MTA3: variants seen among roughly 807,000 people sequenced by gnomAD.
MTA3 encodes the protein metastasis associated 1 family member 3.
Under a neutral mutation model 83.5 loss-of-function variants are expected in MTA3, and 34 were observed. The ratio of observed to expected loss-of-function variants is 0.41; its 90% CI spans 0.31 to 0.54. The LOEUF (loss-of-function observed/expected upper bound fraction) is 0.54, where lower values mean the gene tolerates loss of function less well. Among genes scored for constraint, MTA3 ranks in the 20% least tolerant of loss-of-function variants. The pLI, the probability that MTA3 is intolerant of heterozygous loss-of-function variation, is 0.33. For synonymous variants in MTA3, 303 were observed against 252.7 expected (o/e 1.20, Z -1.89); for missense variants, 761 against 726.4 (o/e 1.05, Z -0.55).
At chr2:42,549,971 C>G (rs1365984753) in intron 2 of MTA3, among the ~76,000 whole-genome samples, 2 of 151,666 alleles carry the variant, frequency 1.3e-5, no homozygotes, top group East Asian at 3.8e-4. Flanking sequence ...GTTGCTGTAT[C>G]ACAGCACTTG....
At chr2:42,680,600 C>T (rs1691796031) in intron 8 of MTA3, among the ~76,000 whole-genome samples, 2 of 152,212 alleles carry the variant, frequency 1.3e-5, no homozygotes, top group African/African-American at 4.8e-5. Context: ...ATGTGCTAAT[C>T]CGCGACATAG....
At chr2:42,704,760 C>T (rs1665919142) in intron 12 of MTA3, among the ~76,000 whole-genome samples, 2 of 152,136 alleles carry the variant, frequency 1.3e-5, no homozygotes, top group South Asian at 4.1e-4. Flanking sequence ...ACCATGTTCC[C>T]TCAGTGCACC....
At chr2:42,711,379 AGTTACCT>A (rs1352345929) in intron 14 of MTA3, among the ~76,000 whole-genome samples, 11 of 152,182 alleles carry the variant, frequency 7.2e-5, no homozygotes, top group African/African-American at 2.7e-4. Flanking sequence ...ATCATAATTA[AGTTACCT>A]GTATTTTATT....
At chr2:42,639,884 T>C (rs74752364) in intron 4 of MTA3, among the ~76,000 whole-genome samples, 3,257 of 152,240 alleles carry the variant, frequency 0.021, 103 homozygotes, top group African/African-American at 0.075. Context: ...TCTTTTTTTT[T>C]CTTGAATAAG....
At chr2:42,640,983 T>C (rs1372055129) in intron 5 of MTA3, among the ~76,000 whole-genome samples, 2 of 152,172 alleles carry the variant, frequency 1.3e-5, no homozygotes, top group Non-Finnish European at 2.9e-5. Flanking sequence ...CTTGACCCAC[T>C]GCAACCTCCG....
intron 2 of MTA3, among the ~76,000 whole-genome samples, chr2:42,540,497 T>C (rs1676470719): frequency 6.6e-6 from 1 of 151,924 alleles, no homozygotes; most frequent in South Asian, 2.1e-4. Context: ...CAGGGGAAAA[T>C]GATCTGTCTA....
At chr2:42,555,978 A>G (rs1417250176) in intron 2 of MTA3, among the ~76,000 whole-genome samples, 2 of 152,044 alleles carry the variant, frequency 1.3e-5, no homozygotes, top group African/African-American at 4.8e-5. Context: ...AGGCTGAGGC[A>G]GGAGAATTGC....
chr2:42,543,750 T>C (rs180997124), intron 2 of MTA3, among the ~76,000 whole-genome samples: 40 of 150,938 alleles, frequency 2.7e-4, no homozygotes, highest in African/African-American at 8.8e-4. Flanking sequence ...CCTCCTAAAG[T>C]GCTGGGATTA....
intron 12 of MTA3, among the ~76,000 whole-genome samples, chr2:42,707,086 T>A (rs898688865): frequency 1.3e-5 from 2 of 150,592 alleles, no homozygotes; most frequent in African/African-American, 2.4e-5. Flanking sequence ...TGCCTCAGTC[T>A]CTGTAGTCGC....
At chr2:42,687,467 A>G (rs1030837940) in intron 9 of MTA3, among the ~76,000 whole-genome samples, 1 of 152,052 alleles carries the variant, frequency 6.6e-6, no homozygotes, top group Non-Finnish European at 1.5e-5. Flanking sequence ...TGTTGAAGGG[A>G]ATTTGAATTG....
At chr2:42,510,125 A>G (rs918613863) in intron 2 of MTA3, among the ~76,000 whole-genome samples, 3 of 152,208 alleles carry the variant, frequency 2.0e-5, no homozygotes, top group Middle Eastern at 3.4e-3. Flanking sequence ...CAGGAGTTCA[A>G]GACCAGCCTG....
chr2:42,623,242 G>A (rs924856282), intron 4 of MTA3, among the ~76,000 whole-genome samples: 5 of 152,348 alleles, frequency 3.3e-5, no homozygotes, highest in Admixed American at 6.5e-5. Flanking sequence ...GGATCCTGGC[G>A]TGTGCCTTGG....
chr2:42,706,663 T>C (rs1236110245), intron 12 of MTA3, among the ~76,000 whole-genome samples: 1 of 152,212 alleles, frequency 6.6e-6, no homozygotes, highest in Non-Finnish European at 1.5e-5. Context: ...AACCTCAATG[T>C]TTTCTCTTAA....
intron 3 of MTA3, among the ~76,000 whole-genome samples, chr2:42,607,237 AGTTAACT>A (rs1440384039): frequency 1.3e-5 from 2 of 152,190 alleles, no homozygotes; most frequent in Admixed American, 1.3e-4. Context: ...CAGTGAAATC[AGTTAACT>A]GTAGAGTAGA....
intron 14 of MTA3, chr2:42,709,461 T>C (rs1487656915): frequency 1.3e-5 from 4 of 303,148 alleles, no homozygotes; most frequent in Admixed American, 1.0e-4. Flanking sequence ...GATGCTGTTA[T>C]AATGAGACTC....
At chr2:42,564,928 C>T (rs1372547020), upstream of MTA3, among the ~76,000 whole-genome samples, 1 of 152,124 alleles carries the variant, frequency 6.6e-6, no homozygotes, top group Non-Finnish European at 1.5e-5. Context: ...AGGCGCTTGC[C>T]ACCATGCCCG....
At chr2:42,517,864 C>CAAAAAAAAAAAAAAAAAAAAA (rs386390061) in intron 2 of MTA3, among the ~76,000 whole-genome samples, 1 of 95,274 alleles carries the variant, frequency 1.0e-5, no homozygotes, top group African/African-American at 4.0e-5. Flanking sequence ...GACTCTGTCT[C>CAAAAAAAAAAAAAAAAAAAAA]AAAAAAAAAA....
intron 9 of MTA3, among the ~76,000 whole-genome samples, chr2:42,694,137 A>G (rs756743341): frequency 1.3e-5 from 2 of 152,184 alleles, no homozygotes; most frequent in Admixed American, 6.5e-5. Flanking sequence ...AAGATGCAAG[A>G]CAAAGTCCTC....
intron 12 of MTA3, among the ~76,000 whole-genome samples, chr2:42,707,507 A>G (rs1666207188): frequency 6.6e-6 from 1 of 152,166 alleles, no homozygotes; most frequent in African/African-American, 2.4e-5. Context: ...TCAACCTCCC[A>G]AAGTGCTGGG....
Sources: allele counts gnomAD v4.1 joint callset (sites outside exome capture counted in the v4.1 genomes callset), GRCh38; gene constraint gnomAD v4.1.1; transcripts MANE v1.5; gene names NCBI Gene and HGNC (gene_info 2026-07-23, HGNC 2026-07-21).